SYNE2: variants seen among roughly 807,000 people sequenced by gnomAD.
SYNE2 encodes the protein spectrin repeat containing nuclear envelope protein 2.
Under a neutral mutation model 856.3 loss-of-function variants are expected in SYNE2, and 431 were observed. That is an observed-to-expected ratio of 0.50 (90% CI 0.47 to 0.55). SYNE2 has a LOEUF of 0.55. SYNE2 is among the 20% of genes least tolerant of loss of function. The pLI, the probability that SYNE2 is intolerant of heterozygous loss-of-function variation, is 0.00. For synonymous variants in SYNE2, 2,923 were observed against 2,872.3 expected (o/e 1.02, Z -0.56); for missense variants, 8,129 against 8,023.2 (o/e 1.01, Z -0.50).
At chr14:64,020,191 T>A in intron 35 of SYNE2, 98 bp downstream of exon 35, 5 of 837,968 alleles carry the variant, frequency 6.0e-6, no homozygotes, top group East Asian at 2.6e-5. Flanking sequence ...AAACCCTGTC[T>A]CTAAAAGAAG....
rs758215945 is a variant in SYNE2, at chr14:64,020,015, A to G, written c.5073A>G (p.Gln1691=). The part of the protein sequence containing the change: ...RLKEELQVHE[Q]KTSEFSRRVA... The stretch of plus-strand genomic sequence containing the variant: ...AGGAAGAATTACAAGTCCATGAACA[A>G]AAAACTTCAGAATTTTCTAGAAGAG... The change falls in exon 35 of 116, where the codon CAA becomes CAG. Residue 1691 remains glutamine (Q), a synonymous_variant. Coordinates refer to ENST00000555002, the MANE Select transcript of SYNE2 (RefSeq NM_182914.3). The G allele has an allele frequency of 3.1e-6, 5 of 1,613,606 alleles. No homozygotes were observed. The South Asian group carries it at 4.4e-5, about 14-fold the overall frequency.
chr14:63,958,265 C>G (rs2096265696), intron 8 of SYNE2, among the ~76,000 whole-genome samples: 2 of 152,022 alleles, frequency 1.3e-5, no homozygotes, highest in Admixed American at 6.6e-5. Flanking sequence ...TACCTAATGA[C>G]TTTTTTCTCT....
chr14:63,853,080 G>C lies in SYNE2; in HGVS notation c.-115G>C, dbSNP rs1890751280. 6.6e-6 allele frequency: 1 copy of C among 151,832 alleles called. No homozygotes were observed. Among genetic ancestry groups the C allele is most frequent in the African/African-American group, 2.4e-5 (1 of 41,416 alleles). The allele number at this position is 151,832 out of a possible 1,614,324, so 9.4% of individuals were successfully genotyped here. On this transcript the variant is annotated 5_prime_UTR_variant, in exon 1 of 116. Transcript: ENST00000555002. Reference sequence around the variant, plus strand: ...GCAAAAGGCGCGATCCAGAGAGCCAGGCAAGCGGGGCGCCGACCTCGGGCG... The same window carrying C: ...GCAAAAGGCGCGATCCAGAGAGCCACGCAAGCGGGGCGCCGACCTCGGGCG...
At chr14:64,210,669 A>C (rs183420084) in intron 103 of SYNE2, among the ~76,000 whole-genome samples, 19 of 152,264 alleles carry the variant, frequency 1.2e-4, no homozygotes, top group Non-Finnish European at 1.5e-5. Context: ...TGTCATTCAG[A>C]AGATGTGCTG....
chr14:63,795,389 G>A (rs1887883470), intron 1 of SYNE2, among the ~76,000 whole-genome samples: 1 of 152,092 alleles, frequency 6.6e-6, no homozygotes, highest in South Asian at 2.1e-4. Context: ...CAGACTCCAG[G>A]TTCTTCAGTT....
chr14:63,879,890 C>G (rs958422399), intron 1 of SYNE2, among the ~76,000 whole-genome samples: 4 of 152,198 alleles, frequency 2.6e-5, no homozygotes, highest in African/African-American at 9.7e-5. Context: ...CAAAGGATAT[C>G]GCAGTTGCGT....
At chr14:63,814,466 T>TCATATATCATATATATGTC (rs1566583212) in intron 1 of SYNE2, among the ~76,000 whole-genome samples, 1 of 132,628 alleles carries the variant, frequency 7.5e-6, no homozygotes, top group Non-Finnish European at 1.6e-5. Flanking sequence ...TCCTTATATA[T>TCATATATCATATATATGTC]CATATATAAT....
chr14:63,849,974 CA>C (rs1167483082), upstream of SYNE2, among the ~76,000 whole-genome samples: 1 of 151,940 alleles, frequency 6.6e-6, no homozygotes, highest in Non-Finnish European at 1.5e-5. Context: ...ATGCTTATTG[CA>C]ATTGGAGTTA....
In SYNE2 at chr14:64,006,544, T is replaced by G. The variant is rs535683154; in HGVS notation, c.4398-499T>G. 9.2e-5 allele frequency among the ~76,000 whole-genome samples: 14 copies of G among 152,260 alleles called. No homozygotes were observed. The South Asian group carries it at 1.7e-3, about 18-fold the overall frequency. On this transcript the variant is annotated intron_variant, in intron 30 of 115. Coordinates refer to ENST00000555002, the MANE Select transcript of SYNE2 (RefSeq NM_182914.3). ...AAGCACCAAATTAATATTCTGGAAA[T>G]GCAGCCAGGCACGGTAGCTCACACC...
At chr14:64,208,361 C>T (rs1346614025) in intron 100 of SYNE2, among the ~76,000 whole-genome samples, 1 of 152,166 alleles carries the variant, frequency 6.6e-6, no homozygotes, top group Admixed American at 6.5e-5. Flanking sequence ...TTCTAAAGAC[C>T]TCCCTGAAAC....
chr14:63,960,715 A>G (rs1376318441), intron 8 of SYNE2: 4 of 760,168 alleles, frequency 5.3e-6, no homozygotes, highest in Non-Finnish European at 9.6e-6. Flanking sequence ...TTGTGATTTT[A>G]TGATCTCCTT....
At position 63,977,912 on chromosome 14, in the gene SYNE2, T is replaced by C; in HGVS notation, c.1301T>C (p.Met434Thr). The change falls in exon 13 of 116, where the codon ATG becomes ACG. Residue 434 changes from methionine (M) to threonine (T), a missense_variant. By Grantham distance (81) the Met-to-Thr change is moderately conservative. This residue lies in a region of SYNE2 where 2,422 missense variants were observed against 2,357.4 expected (regional missense o/e 1.03). Coordinates refer to ENST00000555002, the MANE Select transcript of SYNE2 (RefSeq NM_182914.3). ...QEKMTLFKSL[M>T]DRFEHHSNIL... The stretch of plus-strand genomic sequence containing the variant: ...TGCTGAATTTCTTTTCAGAGCCTGA[T>C]GGATAGATTTGAGCATCATTCGAAC... 6.2e-7 allele frequency: 1 copy of C among 1,611,452 alleles called. No individual in the cohort carries two copies. Among genetic ancestry groups the C allele is most frequent in the South Asian group, 1.1e-5 (1 of 91,028 alleles).
Position 64,052,629 on chromosome 14 carries a change from A to C in SYNE2, c.8716A>C (p.Asn2906His). Residue 2906 changes from asparagine to histidine, a missense_variant, in exon 48 of 116, where the codon AAT becomes CAT. Transcript: ENST00000555002. The stretch of plus-strand genomic sequence containing the variant: ...GCTAACAAACATCTATGAGGAGCTG[A>C]ATGTGTTTGAAAGATTATTTCTGGA... ...QELTNIYEELNVFERLFLEDQ... is the reference protein window; with the variant it reads ...QELTNIYEELHVFERLFLEDQ... The C allele has an allele frequency of 6.2e-7, 1 of 1,614,120 alleles. No homozygotes were observed. Among genetic ancestry groups the C allele is most frequent in the South Asian group, 1.1e-5 (1 of 91,070 alleles).
chr14:63,776,548 G>C (rs978170436), intron 1 of SYNE2, among the ~76,000 whole-genome samples: 1 of 151,742 alleles, frequency 6.6e-6, no homozygotes, highest in Non-Finnish European at 1.5e-5. Context: ...CTGTCAAGTG[G>C]GCAGAGCTTT....
chr14:63,939,724 T>G (rs2095879601), intron 2 of SYNE2, among the ~76,000 whole-genome samples: 1 of 152,240 alleles, frequency 6.6e-6, no homozygotes, highest in South Asian at 2.1e-4. Flanking sequence ...AGTGAATCAT[T>G]AGATTCTTAT....
At chr14:64,116,193 AAGGGAGGGAGGG>A (rs535818668) in intron 66 of SYNE2, among the ~76,000 whole-genome samples, 10 of 140,220 alleles carry the variant, frequency 7.1e-5, no homozygotes, top group African/African-American at 1.0e-4. Flanking sequence ...GAAAGGAAAG[AAGGGAGGGAGGG>A]AGGGAGGGAG....
Position 64,025,198 on chromosome 14 carries a change from A to AAAT in SYNE2, c.6036_6038dup (p.Ile2012dup). ...GAATATGGGTTTACTGAAGAAGAAG[A>AAAT]AATAATAATGGAAGCAACATGTTTG... is the stretch of plus-strand genomic sequence containing the variant. On this transcript the variant is annotated inframe_insertion, in exon 41 of 116. Transcript: ENST00000555002. The AAAT allele has an allele frequency of 6.2e-7, 1 of 1,614,142 alleles. No individual in the cohort carries two copies. Among genetic ancestry groups the AAAT allele is most frequent in the South Asian group, 1.1e-5 (1 of 91,086 alleles).
intron 44 of SYNE2, among the ~76,000 whole-genome samples, chr14:64,030,729 C>T (rs771376711): frequency 2.0e-5 from 3 of 152,168 alleles, no homozygotes; most frequent in Admixed American, 2.0e-4. Flanking sequence ...GTGACAAAGA[C>T]GTATCTTGAA....
In SYNE2 at chr14:64,052,425, A is replaced by G. The variant is rs2153576715; in HGVS notation, c.8512A>G (p.Asn2838Asp). ...AGAATTTAAGTTGGAAGAAAGAAGCAATTTTTTTGCTATAATAAGGAAGTT... is the reference window on the plus strand; with the variant it reads ...AGAATTTAAGTTGGAAGAAAGAAGCGATTTTTTTGCTATAATAAGGAAGTT... ...QLEFKLEERS[N>D]FFAIIRKFQL... The change falls in exon 48 of 116, where the codon AAT (asparagine) becomes GAT (aspartate). Residue 2838 changes from asparagine (N) to aspartate (D), a missense_variant. This residue lies in a region of SYNE2 where 5,410 missense variants were observed against 5,284.8 expected (regional missense o/e 1.02). Transcript: ENST00000555002. 1.2e-6 allele frequency: 2 copies of G among 1,613,014 alleles called. No homozygotes were observed. Among genetic ancestry groups the G allele is most frequent in the Non-Finnish European group, 1.7e-6 (2 of 1,179,648 alleles).
Sources: gnomAD v4.1 joint callset for allele counts (sites outside exome capture counted in the v4.1 genomes callset) on GRCh38, gnomAD v4.1.1 for gene constraint, gnomAD v4.1.1 regional missense constraint, MANE v1.5 for transcripts, NCBI Gene and HGNC (gene_info 2026-07-23, HGNC 2026-07-21) for gene names.